The following ADGRL3 variants were observed in gnomAD, a reference collection of about 807,000 sequenced individuals.
ADGRL3 encodes the protein calcium-independent alpha-latrotoxin receptor 3.
A neutral mutation model predicts 153.5 loss-of-function variants in ADGRL3; 62 were observed. The observed-to-expected ratio is 0.40, with a 90% CI of 0.33 to 0.50. The LOEUF (loss-of-function observed/expected upper bound fraction) is 0.50. ADGRL3 is among the 20% of genes least tolerant of loss of function. The probability of loss-of-function intolerance (pLI) is 0.47; values close to 1 mark genes in which losing one functional copy is unlikely to be tolerated. For missense variants in ADGRL3, 1,641 were observed against 1,859.4 expected (o/e 0.88, Z 2.16); for synonymous variants, 710 against 672.5 (o/e 1.06, Z -0.86).
chr4:61,743,699 T>C (rs2096613209), intron 8 of ADGRL3, among the ~76,000 whole-genome samples: 1 of 151,948 alleles, frequency 6.6e-6, no homozygotes. Flanking sequence ...TAAAGTGGAA[T>C]TGAAAGAATT....
At chr4:61,298,732 T>A (rs1348293139) in intron 1 of ADGRL3, among the ~76,000 whole-genome samples, 1 of 152,200 alleles carries the variant, frequency 6.6e-6, no homozygotes, top group Non-Finnish European at 1.5e-5. Context: ...AATTAATTAC[T>A]TATATTCAGT....
chr4:61,371,949 T>C (rs2096535992), intron 1 of ADGRL3, among the ~76,000 whole-genome samples: 1 of 152,206 alleles, frequency 6.6e-6, no homozygotes, highest in African/African-American at 2.4e-5. Flanking sequence ...CTTTTTTCTC[T>C]AAACTTCCGT....
At position 62,046,300 on chromosome 4, in the gene ADGRL3, ATTG is replaced by A. The variant is rs978760237; in HGVS notation, c.3814+1756_3814+1758del. Among the ~76,000 whole-genome samples, 14 of 152,068 alleles carry A rather than the reference ATTG, an allele frequency of 9.2e-5. No individual in the cohort carries two copies. In the South Asian group the frequency reaches 1.5e-3, roughly 16 times the overall value. On this transcript the variant is annotated intron_variant, in intron 25 of 26. Transcript: ENST00000683033. ...AATATGTAAAATTATTTTGTCTAAT[ATTG>A]TTGTCTAAATTCATGTAAAGATAGT... is the stretch of plus-strand genomic sequence containing the variant.
At chr4:61,720,583 G>C (rs2096224889) in intron 6 of ADGRL3, among the ~76,000 whole-genome samples, 1 of 152,172 alleles carries the variant, frequency 6.6e-6, no homozygotes, top group Non-Finnish European at 1.5e-5. Flanking sequence ...AATAGTATTT[G>C]CTCTTTAATC....
At chr4:61,239,719 G>A (rs1337189938) in intron 1 of ADGRL3, among the ~76,000 whole-genome samples, 1 of 152,078 alleles carries the variant, frequency 6.6e-6, no homozygotes, top group Non-Finnish European at 1.5e-5. Context: ...AGTTTAAGTG[G>A]TGCTTGAATG....
At chr4:62,026,815 A>C (rs142321090) in intron 21 of ADGRL3, among the ~76,000 whole-genome samples, 1 of 152,024 alleles carries the variant, frequency 6.6e-6, no homozygotes, top group African/African-American at 2.4e-5. Context: ...CTACAAAAAC[A>C]AACAAACAAA....
chr4:61,589,772 T>A (rs923966252), intron 5 of ADGRL3, among the ~76,000 whole-genome samples: 8 of 152,082 alleles, frequency 5.3e-5, no homozygotes, highest in African/African-American at 1.9e-4. Flanking sequence ...TGAAATGTCA[T>A]TGAGGCAGAT....
In ADGRL3 at chr4:61,517,438, C is replaced by A; in HGVS notation, c.179C>A (p.Ala60Asp). Residue 60 changes from alanine (A) to aspartate (D), a missense_variant, in exon 4 of 27, where the codon GCT becomes GAT. This residue lies in a region of ADGRL3 where 145 missense variants were observed against 79.1 expected (regional missense o/e 1.83). Coordinates refer to ENST00000683033, the MANE Select transcript of ADGRL3 (RefSeq NM_001387552.1). ...CAGCCAGCTGCAGAGCGCACCGCTG[C>A]TCATCGTGGACAAGGGCCCCGTGGA... The part of the protein sequence containing the change: ...LQQPAAERTA[A>D]HRGQGPRGAT... 1 of 799,742 alleles carries A rather than the reference C, an allele frequency of 1.3e-6. No individual in the cohort carries two copies. Among genetic ancestry groups the A allele is most frequent in the Non-Finnish European group, 2.1e-6 (1 of 473,376 alleles). 49.5% of individuals were successfully genotyped at this position (799,742 alleles called of 1,614,324 possible).
At chr4:61,728,939 A>G (rs967627768) in intron 6 of ADGRL3, among the ~76,000 whole-genome samples, 1 of 152,038 alleles carries the variant, frequency 6.6e-6, no homozygotes, top group African/African-American at 2.4e-5. Context: ...TATTCGAGAC[A>G]TACAGTCCAG....
intron 1 of ADGRL3, among the ~76,000 whole-genome samples, chr4:61,365,377 G>C (rs939687689): frequency 6.6e-6 from 1 of 152,148 alleles, no homozygotes; most frequent in Non-Finnish European, 1.5e-5. Context: ...AAGTGCAAAA[G>C]GCATAGAACA....
chr4:61,421,853 A>G (rs1373787034), intron 2 of ADGRL3, among the ~76,000 whole-genome samples: 1 of 152,134 alleles, frequency 6.6e-6, no homozygotes, highest in African/African-American at 2.4e-5. Context: ...CAGGAAAACT[A>G]TCCACAACAT....
chr4:61,750,901 A>T (rs993165747), intron 8 of ADGRL3, among the ~76,000 whole-genome samples: 6 of 152,168 alleles, frequency 3.9e-5, no homozygotes. Context: ...GCAAACAGTA[A>T]CCAGTGTTGT....
At chr4:61,579,977 C>G (rs896084531) in intron 4 of ADGRL3, among the ~76,000 whole-genome samples, 1 of 152,078 alleles carries the variant, frequency 6.6e-6, no homozygotes, top group Middle Eastern at 3.4e-3. Flanking sequence ...GAGCACATTT[C>G]TTAAAACTTA....
Position 61,676,869 on chromosome 4 carries a change from G to A in ADGRL3, c.517G>A (p.Val173Ile), listed in dbSNP as rs2150907795. Reference protein sequence around the residue: ...TQCAVVAGPDVFPDPCPGTYK... With the variant: ...TQCAVVAGPDIFPDPCPGTYK... ...GTGTGCAGTGGTGGCAGGTCCTGAT[G>A]TTTTTCCAGACCCGTGTCCAGGAAC... The change falls in exon 6 of 27, where the codon GTT (valine) becomes ATT (isoleucine). Residue 173 changes from valine to isoleucine, a missense_variant. Coordinates refer to ENST00000683033, the MANE Select transcript of ADGRL3 (RefSeq NM_001387552.1). 1 of 1,612,240 alleles carries A rather than the reference G, an allele frequency of 6.2e-7. No individual in the cohort carries two copies. The highest frequency in any genetic ancestry group is 8.5e-7 in the Non-Finnish European group (1 of 1,178,680).
At chr4:61,603,773 A>T (rs1355686278) in intron 5 of ADGRL3, among the ~76,000 whole-genome samples, 1 of 152,070 alleles carries the variant, frequency 6.6e-6, no homozygotes, top group Non-Finnish European at 1.5e-5. Context: ...TCTGGGATTC[A>T]GTTTAATGGC....
intron 2 of ADGRL3, among the ~76,000 whole-genome samples, chr4:61,433,870 A>G (rs1215458420): frequency 2.0e-5 from 3 of 152,182 alleles, no homozygotes; most frequent in African/African-American, 4.8e-5. Flanking sequence ...AGTCTTCCTT[A>G]TCTCAATAAA....
intron 4 of ADGRL3, among the ~76,000 whole-genome samples, chr4:61,584,282 A>G (rs757730714): frequency 2.6e-5 from 4 of 152,014 alleles, no homozygotes; most frequent in Non-Finnish European, 4.4e-5. Context: ...GCAATTATAC[A>G]TTCAATGGAA....
intron 2 of ADGRL3, among the ~76,000 whole-genome samples, chr4:61,417,646 CT>C (rs2097159065): frequency 6.7e-6 from 1 of 150,206 alleles, no homozygotes; most frequent in African/African-American, 2.4e-5. Flanking sequence ...TTAGAAAAAC[CT>C]TCTTTAACGT....
chr4:62,000,371 AT>A (rs2099135889), intron 21 of ADGRL3, among the ~76,000 whole-genome samples: 1 of 151,906 alleles, frequency 6.6e-6, no homozygotes, highest in Non-Finnish European at 1.5e-5. Flanking sequence ...TAAAATATCA[AT>A]TTGTTTGTAT....
Sources: gnomAD v4.1 joint callset for allele counts (sites outside exome capture counted in the v4.1 genomes callset) on GRCh38, gnomAD v4.1.1 for gene constraint, gnomAD v4.1.1 regional missense constraint, MANE v1.5 for transcripts, NCBI Gene and HGNC (gene_info 2026-07-23, HGNC 2026-07-21) for gene names.